Variants in CDH13 observed in about 807,000 individuals in gnomAD.
The protein encoded by CDH13 is cadherin 13, also known as cadherin-13.
Under a neutral mutation model 63.8 loss-of-function variants are expected in CDH13, and 24 were observed. That is an observed-to-expected ratio of 0.38 (90% CI 0.27 to 0.53). CDH13 has a LOEUF of 0.53. Among genes scored for constraint, CDH13 ranks in the 20% least tolerant of loss-of-function variants. The pLI is 0.85. For missense variants in CDH13, 1,049 were observed against 903.1 expected, an observed-to-expected ratio of 1.16 and a Z score of -2.07; for synonymous variants, 503 against 355.3, an observed-to-expected ratio of 1.42 and a Z score of -4.67.
intron 4 of CDH13, among the ~76,000 whole-genome samples, chr16:83,146,685 A>C (rs549284063): frequency 4.5e-4 from 69 of 152,378 alleles, no homozygotes; most frequent in African/African-American, 1.6e-3. Context: ...AGTAAGATTT[A>C]GTTGCAAATA....
At chr16:83,425,549 T>A (rs1421204758) in intron 6 of CDH13, among the ~76,000 whole-genome samples, 1 of 152,216 alleles carries the variant, frequency 6.6e-6, no homozygotes, top group African/African-American at 2.4e-5. Flanking sequence ...GCTCATTAAC[T>A]CCCTCAAAAA....
intron 1 of CDH13, among the ~76,000 whole-genome samples, chr16:82,778,570 GAAAAA>G (rs11350020): frequency 1.2e-5 from 1 of 85,786 alleles, no homozygotes; most frequent in Admixed American, 1.5e-4. Context: ...ATCACGACCA[GAAAAA>G]AAAAAAAAAA....
intron 6 of CDH13, among the ~76,000 whole-genome samples, chr16:83,389,746 G>C (rs570288689): frequency 2.6e-5 from 4 of 152,302 alleles, no homozygotes; most frequent in Admixed American, 2.6e-4. Context: ...AAAGTTTTCA[G>C]AGTTTGGGGC....
chr16:83,160,298 G>T (rs1286468592), intron 4 of CDH13, among the ~76,000 whole-genome samples: 1 of 152,028 alleles, frequency 6.6e-6, no homozygotes, highest in Non-Finnish European at 1.5e-5. Context: ...AGGTATATGA[G>T]AAATCTCTGT....
intron 3 of CDH13, among the ~76,000 whole-genome samples, chr16:83,122,450 A>AC (rs2035624370): frequency 6.6e-6 from 1 of 152,234 alleles, no homozygotes; most frequent in South Asian, 2.1e-4. Context: ...TAGAGCAAAC[A>AC]CCCTGACAGT....
chr16:82,704,523 T>C (rs998376166), intron 1 of CDH13, among the ~76,000 whole-genome samples: 2 of 152,190 alleles, frequency 1.3e-5, no homozygotes, highest in African/African-American at 4.8e-5. Context: ...CTAAGGGAGA[T>C]AGACAGGCAA....
chr16:83,304,430 T>C (rs2089826599), intron 5 of CDH13, among the ~76,000 whole-genome samples: 1 of 151,966 alleles, frequency 6.6e-6, no homozygotes, highest in Admixed American at 6.6e-5. Flanking sequence ...CTCAAGGTGA[T>C]TATTCTGTTT....
rs529634649 is a variant in CDH13 at position 82,656,312 on chromosome 16, C to T, written c.45+29175C>T. Among the ~76,000 whole-genome samples, 542 of 146,564 alleles carry T rather than the reference C, an allele frequency of 3.7e-3. 5 individuals carry two copies. Among genetic ancestry groups the T allele is most frequent in the African/African-American group, 0.012 (475 of 40,094 alleles). On this transcript the variant is annotated intron_variant, in intron 1 of 13. Coordinates refer to ENST00000567109, the MANE Select transcript of CDH13 (RefSeq NM_001257.5). ...CACCTGGTTGCATTTGAATGGTGTG[C>T]GTGTGTGTGTGTGTGTGTGTGTGTT...
intron 5 of CDH13, among the ~76,000 whole-genome samples, chr16:83,339,292 GATAAAC>G (rs2090670283): frequency 6.6e-6 from 1 of 152,144 alleles, no homozygotes; most frequent in Non-Finnish European, 1.5e-5. Context: ...AGAGCAAAAT[GATAAAC>G]ATGCAACTGT....
At chr16:82,804,309 A>ACG (rs2037035176) in intron 1 of CDH13, among the ~76,000 whole-genome samples, 2 of 146,476 alleles carry the variant, frequency 1.4e-5, no homozygotes, top group African/African-American at 5.2e-5. Flanking sequence ...ACACACACAC[A>ACG]CACGCACACA....
At chr16:83,646,706 A>C (rs1270372424) in intron 8 of CDH13, among the ~76,000 whole-genome samples, 1,890 of 88,714 alleles carry the variant, frequency 0.021, 57 homozygotes, top group African/African-American at 0.07. Flanking sequence ...AAAAAAAAAA[A>C]AAAAAAACAC....
At chr16:83,474,307 A>T (rs544771566) in intron 6 of CDH13, among the ~76,000 whole-genome samples, 15 of 152,270 alleles carry the variant, frequency 9.9e-5, no homozygotes, top group African/African-American at 3.4e-4. Context: ...AGATAAGGAA[A>T]TTGAGCCTCT....
chr16:83,466,108 A>G (rs556008198), intron 6 of CDH13, among the ~76,000 whole-genome samples: 48 of 152,236 alleles, frequency 3.2e-4, no homozygotes, highest in Non-Finnish European at 5.7e-4. Context: ...CAGCCCCTGC[A>G]GTAGCCTTGT....
intron 11 of CDH13, among the ~76,000 whole-genome samples, chr16:83,750,330 T>A (rs1370448192): frequency 1.3e-5 from 2 of 152,212 alleles, no homozygotes; most frequent in Non-Finnish European, 2.9e-5. Context: ...CGTTCAGTTT[T>A]GCTTATGTTT....
At chr16:83,416,402 T>A (rs1001494135) in intron 6 of CDH13, among the ~76,000 whole-genome samples, 3 of 152,232 alleles carry the variant, frequency 2.0e-5, no homozygotes, top group African/African-American at 7.2e-5. Flanking sequence ...GCTTCTTCCT[T>A]CTTTTTGACT....
At chr16:82,759,788 C>T (rs997306397) in intron 1 of CDH13, among the ~76,000 whole-genome samples, 1 of 151,996 alleles carries the variant, frequency 6.6e-6, no homozygotes, top group Non-Finnish European at 1.5e-5. Flanking sequence ...CTTGCCAAAT[C>T]CTCTGTCTTA....
intron 3 of CDH13, among the ~76,000 whole-genome samples, chr16:83,106,821 T>C (rs890341636): frequency 5.3e-5 from 8 of 152,218 alleles, no homozygotes; most frequent in Non-Finnish European, 1.2e-4. Flanking sequence ...TACAGGATGG[T>C]AAATAAATTT....
Position 83,739,803 on chromosome 16 carries a change from T to C in CDH13, c.1539-8305T>C, listed in dbSNP as rs371115861. ...GTTTCTACTCTCATTCATTCCCTCA[T>C]GCATGCATTCAACAACTGAGTACCT... On this transcript the variant is annotated intron_variant, in intron 10 of 13. Coordinates refer to ENST00000567109, the MANE Select transcript of CDH13 (RefSeq NM_001257.5). The C allele has an allele frequency of 2.6e-5, 4 of 152,322 alleles. No individual in the cohort carries two copies. In the East Asian group the frequency reaches 7.7e-4, roughly 29 times the overall value. 9.4% of individuals were successfully genotyped at this position (152,322 alleles called of 1,614,324 possible).
chr16:82,703,923 C>T (rs989057289), intron 1 of CDH13, among the ~76,000 whole-genome samples: 1 of 152,152 alleles, frequency 6.6e-6, no homozygotes, highest in East Asian at 1.9e-4. Flanking sequence ...CTGTGGCATC[C>T]GTGTTATAGA....
Sources: allele counts gnomAD v4.1 joint callset (sites outside exome capture counted in the v4.1 genomes callset), GRCh38; gene constraint gnomAD v4.1.1; transcripts MANE v1.5; gene names NCBI Gene and HGNC (gene_info 2026-07-23, HGNC 2026-07-21).